EYS: variants seen among roughly 807,000 people sequenced by gnomAD.
EYS encodes the protein EGF-like photoreceptor maintenance factor.
A neutral mutation model predicts 282.1 loss-of-function variants in EYS; 250 were observed. The observed-to-expected ratio is 0.89, with a 90% CI of 0.80 to 0.98. EYS has a LOEUF of 0.98. EYS is among the 50% of genes least tolerant of loss of function. The pLI, the probability that EYS is intolerant of heterozygous loss-of-function variation, is 0.00. For missense variants in EYS, 4,016 were observed against 3,709.0 expected (o/e 1.08, Z -2.15); for synonymous variants, 1,355 against 1,282.9 (o/e 1.06, Z -1.20).
At chr6:64,168,593 A>G (rs1485507775) in intron 31 of EYS, among the ~76,000 whole-genome samples, 4 of 152,238 alleles carry the variant, frequency 2.6e-5, no homozygotes, top group Non-Finnish European at 5.9e-5. Flanking sequence ...ACTACTCAGC[A>G]ATAAAAAGCA....
chr6:64,780,485 A>G (rs1047797719), intron 22 of EYS, among the ~76,000 whole-genome samples: 1 of 152,116 alleles, frequency 6.6e-6, no homozygotes, highest in Non-Finnish European at 1.5e-5. Context: ...GGACTTAAAG[A>G]TGGGGAAATA....
At chr6:63,777,324 C>T (rs914488953) in intron 40 of EYS, among the ~76,000 whole-genome samples, 16 of 152,090 alleles carry the variant, frequency 1.1e-4, no homozygotes, top group African/African-American at 3.4e-4. Context: ...TGCAGGGAGC[C>T]GGTGTTCCTG....
chr6:64,825,599 T>A (rs959021027), intron 19 of EYS, among the ~76,000 whole-genome samples: 1 of 151,884 alleles, frequency 6.6e-6, no homozygotes, highest in Non-Finnish European at 1.5e-5. Flanking sequence ...AAACTGTTAG[T>A]CCTTGCGAAG....
chr6:63,842,370 G>A (rs1045223885), intron 36 of EYS, among the ~76,000 whole-genome samples: 6 of 152,176 alleles, frequency 3.9e-5, no homozygotes, highest in African/African-American at 1.4e-4. Context: ...GTGATGATGA[G>A]CTTTTTTTCA....
At chr6:64,899,491 T>G (rs986041264) in intron 18 of EYS, among the ~76,000 whole-genome samples, 2 of 152,282 alleles carry the variant, frequency 1.3e-5, no homozygotes, top group Non-Finnish European at 2.9e-5. Context: ...AAAAACTCCT[T>G]AAGCTGATGA....
intron 2 of EYS, among the ~76,000 whole-genome samples, chr6:65,628,849 C>A (rs1478684516): frequency 6.6e-6 from 1 of 152,200 alleles, no homozygotes; most frequent in African/African-American, 2.4e-5. Context: ...AGACCAAGAA[C>A]CCACCAATTC....
At chr6:65,006,639 G>A (rs776880549) in intron 13 of EYS, among the ~76,000 whole-genome samples, 12 of 152,084 alleles carry the variant, frequency 7.9e-5, no homozygotes, top group Non-Finnish European at 1.5e-4. Context: ...TTCCTAATGG[G>A]GGATTTAAAT....
chr6:65,275,539 T>C (rs891531772), intron 12 of EYS, among the ~76,000 whole-genome samples: 1 of 152,176 alleles, frequency 6.6e-6, no homozygotes, highest in African/African-American at 2.4e-5. Context: ...ATCTATGGCT[T>C]CATAAGGAGT....
Position 65,442,888 on chromosome 6 carries a change from G to A in EYS, c.863-37521C>T, listed in dbSNP as rs374725590. On this transcript the variant is annotated intron_variant, in intron 5 of 42. Coordinates refer to ENST00000503581, the MANE Select transcript of EYS (RefSeq NM_001142800.2). The stretch of plus-strand genomic sequence containing the variant: ...TATACATACATATACACATACATAT[G>A]TACATATATGTATATATACATGCAC... Among the ~76,000 whole-genome samples the A allele has an allele frequency of 8.0e-5, 8 of 100,330 alleles. 2 individuals carry two copies. Among genetic ancestry groups the A allele is most frequent in the South Asian group, 3.1e-4 (1 of 3,234 alleles). 65.8% of individuals were successfully genotyped at this position (100,330 alleles called of 152,430 possible).
intron 5 of EYS, among the ~76,000 whole-genome samples, chr6:65,440,538 T>C (rs992276089): frequency 1.3e-5 from 2 of 151,734 alleles, no homozygotes; most frequent in Admixed American, 6.6e-5. Flanking sequence ...GAGAAACATA[T>C]TAATAGGACG....
intron 35 of EYS, among the ~76,000 whole-genome samples, chr6:63,956,696 C>T (rs1765839692): frequency 1.3e-5 from 2 of 152,098 alleles, no homozygotes; most frequent in Non-Finnish European, 2.9e-5. Context: ...AAGCTAATTA[C>T]CATATTCATC....
rs1158150622 is a variant in EYS, at chr6:65,519,686, CTATATATATA to C, written c.-332-23703_-332-23694del. 1.2e-3 allele frequency among the ~76,000 whole-genome samples: 47 copies of C among 39,752 alleles called. 3 individuals are homozygous for C. The highest frequency in any genetic ancestry group is 4.9e-3 in the African/African-American group (42 of 8,514). 26.1% of individuals were successfully genotyped at this position (39,752 alleles called of 152,430 possible). A position where few individuals can be genotyped will look rare whatever the true frequency, so the allele number is the denominator to read the frequency against. ...AGAACACTTGCAAAAACTATAATAA[CTATATATATA>C]TATATATATATATTTTTTTTTTTTT... On this transcript the variant is annotated intron_variant, in intron 2 of 42. Coordinates refer to ENST00000503581, the MANE Select transcript of EYS (RefSeq NM_001142800.2).
intron 13 of EYS, among the ~76,000 whole-genome samples, chr6:65,039,996 G>A (rs1374405868): frequency 4.6e-5 from 7 of 151,528 alleles, no homozygotes; most frequent in East Asian, 1.9e-4. Flanking sequence ...TTTGGCCCAC[G>A]GATCTTAAGA....
intron 30 of EYS, among the ~76,000 whole-genome samples, chr6:64,272,325 G>A (rs1209454402): frequency 6.6e-6 from 1 of 152,146 alleles, no homozygotes; most frequent in Admixed American, 6.5e-5. Flanking sequence ...TATGATGCTA[G>A]CTGGTTATTT....
intron 26 of EYS, among the ~76,000 whole-genome samples, chr6:64,589,764 C>T (rs190008511): frequency 2.0e-5 from 3 of 151,946 alleles, no homozygotes; most frequent in Non-Finnish European, 4.4e-5. Flanking sequence ...AAATGATATA[C>T]CATGCCATAG....
intron 26 of EYS, among the ~76,000 whole-genome samples, chr6:64,548,252 T>C (rs1263411735): frequency 2.0e-5 from 3 of 152,172 alleles, no homozygotes. Flanking sequence ...AGTTCAACCA[T>C]TGTGGAAGTC....
At chr6:64,357,567 T>C (rs10806431) in intron 29 of EYS, among the ~76,000 whole-genome samples, 91,310 of 151,390 alleles carry the variant, frequency 0.6, 28,221 homozygotes, top group South Asian at 0.68. Flanking sequence ...CATAAAGGGA[T>C]GTGTGTGAAC....
intron 2 of EYS, among the ~76,000 whole-genome samples, chr6:65,626,006 A>G (rs1319072630): frequency 2.0e-5 from 3 of 152,058 alleles, no homozygotes. Context: ...TTAATTGCAG[A>G]TTTTTCAAAT....
chr6:65,245,743 C>T (rs573213313), intron 12 of EYS, among the ~76,000 whole-genome samples: 1 of 151,698 alleles, frequency 6.6e-6, no homozygotes, highest in East Asian at 1.9e-4. Context: ...ATATTTATAG[C>T]TTGTTTTATT....
Sources: gnomAD v4.1 joint callset for allele counts (sites outside exome capture counted in the v4.1 genomes callset) on GRCh38, gnomAD v4.1.1 for gene constraint, MANE v1.5 for transcripts, NCBI Gene and HGNC (gene_info 2026-07-23, HGNC 2026-07-21) for gene names.